Variants in NTM observed in about 807,000 individuals in gnomAD.
NTM encodes neurotrimin, also known as IgLON family member 2.
NTM carries 13 observed loss-of-function variants against 42.1 expected under a neutral mutation model. That is an observed-to-expected ratio of 0.31 (90% CI 0.20 to 0.49). The LOEUF (loss-of-function observed/expected upper bound fraction) is 0.49. Among genes scored for constraint, NTM ranks in the 20% least tolerant of loss-of-function variants. The pLI is 0.99. For synonymous variants in NTM, 187 were observed against 179.2 expected, an observed-to-expected ratio of 1.04 and a Z score of -0.35; for missense variants, 373 against 452.8, an observed-to-expected ratio of 0.82 and a Z score of 1.60.
At chr11:132,054,716 T>G in intron 2 of NTM, among the ~76,000 whole-genome samples, 1 of 152,218 alleles carries the variant, frequency 6.6e-6, no homozygotes, top group East Asian at 1.9e-4. Context: ...ATATACTAAC[T>G]TATGAACTTG....
In NTM at chr11:132,146,814, T is replaced by G. The variant is rs1172954917; in HGVS notation, c.400+300T>G. On this transcript the variant is annotated intron_variant, in intron 3 of 8. Coordinates refer to ENST00000683400, the MANE Select transcript of NTM (RefSeq NM_001352005.2). This position sits in a 1 kb window ranked among gnomAD's most constrained non-coding sequence, Gnocchi z 4.5. ...TCCCCTAAGTTTTAGTTATTTTTGT[T>G]TGTTTGTTTTTTGTTTTGTTTTGTT... 2.6e-6 allele frequency: 1 copy of G among 385,070 alleles called. No homozygotes were observed. Among genetic ancestry groups the G allele is most frequent in the Non-Finnish European group, 4.6e-6 (1 of 216,608 alleles). 23.9% of individuals were successfully genotyped at this position (385,070 alleles called of 1,614,324 possible).
intron 1 of NTM, among the ~76,000 whole-genome samples, chr11:131,829,392 A>C (rs2042532037): frequency 6.6e-6 from 1 of 152,122 alleles, no homozygotes; most frequent in Non-Finnish European, 1.5e-5. Flanking sequence ...CTTTATGTCC[A>C]TGAGTACCCA....
intron 1 of NTM, among the ~76,000 whole-genome samples, chr11:131,863,505 G>T (rs558028458): frequency 6.6e-6 from 1 of 152,276 alleles, no homozygotes; most frequent in African/African-American, 2.4e-5. Context: ...CCACTCCTCA[G>T]CATCACTGAC....
At chr11:131,512,311 C>T (rs940048444) in intron 1 of NTM, among the ~76,000 whole-genome samples, 1 of 152,180 alleles carries the variant, frequency 6.6e-6, no homozygotes, top group Non-Finnish European at 1.5e-5. Context: ...TATTTAAAAT[C>T]TTTGTCCATG....
intron 2 of NTM, among the ~76,000 whole-genome samples, chr11:132,022,027 G>A (rs1294218415): frequency 6.6e-6 from 1 of 152,184 alleles, no homozygotes; most frequent in Admixed American, 6.5e-5. Context: ...TAGCCTTTGA[G>A]AGAATGACTT....
At chr11:132,075,218 C>G (rs762786214) in intron 2 of NTM, among the ~76,000 whole-genome samples, 2 of 152,134 alleles carry the variant, frequency 1.3e-5, no homozygotes, top group Non-Finnish European at 2.9e-5. Flanking sequence ...TTCAGTTACG[C>G]AAGATGTGTA....
intron 1 of NTM, chr11:131,910,681 G>A: frequency 7.7e-6 from 2 of 260,974 alleles, no homozygotes; most frequent in Non-Finnish European, 1.2e-5. Context: ...CGTCCGCGCG[G>A]CTCCGGTGCG....
At chr11:131,668,978 T>C (rs1348467418) in intron 1 of NTM, among the ~76,000 whole-genome samples, 1 of 152,158 alleles carries the variant, frequency 6.6e-6, no homozygotes, top group African/African-American at 2.4e-5. Context: ...TGGTGGCCGG[T>C]AGGGGGAGCA....
At chr11:131,913,847 A>T (rs73580749) in intron 2 of NTM, among the ~76,000 whole-genome samples, 3,174 of 152,280 alleles carry the variant, frequency 0.021, 107 homozygotes, top group African/African-American at 0.073. Flanking sequence ...AAAGGCCCTG[A>T]CAGTGGATGG....
At chr11:132,331,889 C>T (rs1000822761) in intron 8 of NTM, among the ~76,000 whole-genome samples, 1 of 152,030 alleles carries the variant, frequency 6.6e-6, no homozygotes, top group African/African-American at 2.4e-5. Flanking sequence ...CCTGTGTGCT[C>T]ACATGTGGTT....
chr11:131,813,799 C>CGT (rs2092835435), intron 1 of NTM, among the ~76,000 whole-genome samples: 2 of 152,246 alleles, frequency 1.3e-5, no homozygotes, highest in Admixed American at 1.3e-4. Flanking sequence ...AGGACCAGAA[C>CGT]CTCTAAAATG....
intron 1 of NTM, among the ~76,000 whole-genome samples, chr11:131,474,565 T>C (rs1435402880): frequency 6.6e-6 from 1 of 152,154 alleles, no homozygotes; most frequent in Non-Finnish European, 1.5e-5. Flanking sequence ...ATTCATCATC[T>C]ATAGCTCCTG....
chr11:131,444,706 G>A (rs768151244), intron 1 of NTM, among the ~76,000 whole-genome samples: 2 of 152,118 alleles, frequency 1.3e-5, no homozygotes, highest in African/African-American at 2.4e-5. Context: ...ATTTAGGTTA[G>A]GTTAAAGATG....
At position 131,424,600 on chromosome 11, in the gene NTM, C is replaced by CTTTTTTTTTTTTTTTTTTTTTTTTTTTTT; in HGVS notation, c.82+53730_82+53731insTTTTTTTTTTTTTTTTTTTTTTTTTTTTT. On this transcript the variant is annotated intron_variant, in intron 1 of 8. Transcript: ENST00000683400. ...AGTTGTTTTTTATTTCTTTTCTTTT[C>CTTTTTTTTTTTTTTTTTTTTTTTTTTTTT]TTTTTTTTTTTTTTTTTTGGCGCAA... 3.7e-3 allele frequency among the ~76,000 whole-genome samples: 206 copies of CTTTTTTTTTTTTTTTTTTTTTTTTTTTTT among 56,018 alleles called. 39 individuals carry two copies. Among genetic ancestry groups the CTTTTTTTTTTTTTTTTTTTTTTTTTTTTT allele is most frequent in the African/African-American group, 5.4e-3 (74 of 13,746 alleles). 36.7% of individuals were successfully genotyped at this position (56,018 alleles called of 152,430 possible).
intron 2 of NTM, among the ~76,000 whole-genome samples, chr11:131,922,908 G>A (rs1037089360): frequency 1.3e-5 from 2 of 152,140 alleles, no homozygotes; most frequent in Non-Finnish European, 2.9e-5. Context: ...TGCCTCGCTC[G>A]TGGGAATGCA....
At chr11:131,647,569 A>AT (rs1390617710) in intron 1 of NTM, among the ~76,000 whole-genome samples, 10 of 152,172 alleles carry the variant, frequency 6.6e-5, no homozygotes, top group Non-Finnish European at 1.5e-5. Context: ...TAATTTTTAT[A>AT]TTTTATCTCA....
intron 1 of NTM, among the ~76,000 whole-genome samples, chr11:131,782,054 A>G (rs2088247806): frequency 6.6e-6 from 1 of 152,208 alleles, no homozygotes; most frequent in South Asian, 2.1e-4. Flanking sequence ...GATTTTATTG[A>G]GCAAGTGGGA....
chr11:131,782,784 C>T (rs1234774860), intron 1 of NTM, among the ~76,000 whole-genome samples: 1 of 152,064 alleles, frequency 6.6e-6, no homozygotes, highest in Non-Finnish European at 1.5e-5. Flanking sequence ...TTCAACATTC[C>T]TTTGTGATAC....
At chr11:131,510,486 A>G (rs2048092432) in intron 1 of NTM, among the ~76,000 whole-genome samples, 2 of 152,140 alleles carry the variant, frequency 1.3e-5, no homozygotes, top group South Asian at 4.1e-4. Context: ...AGCCAGACAG[A>G]TTTCAGTTCA....
Sources: gnomAD v4.1 joint callset for allele counts (sites outside exome capture counted in the v4.1 genomes callset) on GRCh38, gnomAD v4.1.1 for gene constraint, Gnocchi (gnomAD v3.1) non-coding constraint, MANE v1.5 for transcripts, NCBI Gene and HGNC (gene_info 2026-07-23, HGNC 2026-07-21) for gene names.